Variants in XPO6 observed in about 807,000 individuals in gnomAD.
The protein encoded by XPO6 is exportin 6.
XPO6 carries 3 observed loss-of-function variants against 130.0 expected under a neutral mutation model. The observed-to-expected ratio is 0.02, with a 90% CI of 0.01 to 0.06. The LOEUF is 0.06. Among genes scored for constraint, XPO6 ranks in the 10% least tolerant of loss-of-function variants. The pLI, the probability that XPO6 is intolerant of heterozygous loss-of-function variation, is 1.00. For synonymous variants in XPO6, 524 were observed against 548.9 expected (o/e 0.95, Z 0.63); for missense variants, 970 against 1,393.0 (o/e 0.70, Z 4.83).
rs760566878 is a variant in XPO6 at position 28,101,650 on chromosome 16, G to A, written c.3084C>T (p.Asn1028=). Residue 1028 remains asparagine (N), a synonymous_variant, in exon 23 of 24, where the codon AAC becomes AAT. Coordinates refer to ENST00000304658, the MANE Select transcript of XPO6 (RefSeq NM_015171.4). The surrounding 1 kb of genome is among the most constrained non-coding windows in gnomAD (Gnocchi z 5.4). The stretch of plus-strand genomic sequence containing the variant: ...TGTGGACCAGGACCTGGAGCAGCAC[G>A]TTCACAAACTGGAACAGCATGGCAG... ...FRTAMLFQFV[N]VLLQVLVHKS... 2.2e-5 allele frequency: 35 copies of A among 1,612,552 alleles called. No individual in the cohort carries two copies. Among genetic ancestry groups the A allele is most frequent in the South Asian group, 4.4e-5 (4 of 91,082 alleles).
chr16:28,199,751 G>A (rs955658744), intron 1 of XPO6, among the ~76,000 whole-genome samples: 3 of 151,906 alleles, frequency 2.0e-5, no homozygotes, highest in South Asian at 2.1e-4. Flanking sequence ...CACTTATGTT[G>A]GCCAGGCTGG....
chr16:28,146,230 T>C, intron 8 of XPO6, 27 bp from the exon 9 acceptor site: 1 of 1,485,052 alleles, frequency 6.7e-7, no homozygotes, highest in South Asian at 1.1e-5. Flanking sequence ...ATCCAGACAA[T>C]GAAATTATTT....
At chr16:28,175,322 T>C (rs2141861151) in intron 4 of XPO6, among the ~76,000 whole-genome samples, 1 of 152,142 alleles carries the variant, frequency 6.6e-6, no homozygotes, top group Admixed American at 6.5e-5. Context: ...ACCATAAACA[T>C]GTAGCCATGT....
At chr16:28,133,021 T>G (rs1263593042) in intron 11 of XPO6, among the ~76,000 whole-genome samples, 1 of 152,154 alleles carries the variant, frequency 6.6e-6, no homozygotes, top group Non-Finnish European at 1.5e-5. Flanking sequence ...AACACAAGTA[T>G]AGCTGGGTCA....
At chr16:28,187,446 T>A (rs1401424047) in intron 1 of XPO6, among the ~76,000 whole-genome samples, 1 of 152,098 alleles carries the variant, frequency 6.6e-6, no homozygotes, top group Non-Finnish European at 1.5e-5. Flanking sequence ...CAAGTTTGAA[T>A]CCAAATGTGC....
In XPO6 at chr16:28,130,430, T is replaced by C. The variant is rs570702089; in HGVS notation, c.1606+1904A>G. Among the ~76,000 whole-genome samples, 11 of 152,250 alleles carry C rather than the reference T, an allele frequency of 7.2e-5. No homozygotes were observed. The South Asian group carries it at 2.3e-3, about 32-fold the overall frequency. The stretch of plus-strand genomic sequence containing the variant: ...ATGAGGCTGACTGACTGGTGTGGCA[T>C]GGAGGTTATTTGAGGGGGTAAATGG... On this transcript the variant is annotated intron_variant, in intron 12 of 23. Transcript: ENST00000304658.
intron 3 of XPO6, among the ~76,000 whole-genome samples, 175 bp from the exon 4 acceptor site, chr16:28,176,270 C>A (rs546318877): frequency 2.1e-4 from 32 of 152,278 alleles, no homozygotes; most frequent in Admixed American, 1.0e-3. Context: ...ACACAACAGT[C>A]CCATTCCTAG....
chr16:28,158,224 A>G (rs535115228), intron 6 of XPO6, among the ~76,000 whole-genome samples: 1 of 152,220 alleles, frequency 6.6e-6, no homozygotes, highest in Non-Finnish European at 1.5e-5. Flanking sequence ...CTACATTAAA[A>G]TGGCTGTTGA....
At chr16:28,193,952 T>C (rs1476692761) in intron 1 of XPO6, among the ~76,000 whole-genome samples, 4 of 152,150 alleles carry the variant, frequency 2.6e-5, no homozygotes, top group Non-Finnish European at 4.4e-5. Flanking sequence ...ACGCTTGTCC[T>C]GGGAAGGCCT....
intron 1 of XPO6, among the ~76,000 whole-genome samples, chr16:28,191,546 C>T (rs1007515225): frequency 6.6e-6 from 1 of 152,106 alleles, no homozygotes; most frequent in Non-Finnish European, 1.5e-5. Context: ...GTAAACAAAC[C>T]CCAGAGCACA....
At position 28,152,726 on chromosome 16, in the gene XPO6, A is replaced by G. The variant is rs1202554107; in HGVS notation, c.1157T>C (p.Ile386Thr). 6.2e-7 allele frequency: 1 copy of G among 1,613,838 alleles called. No individual in the cohort carries two copies. The highest frequency in any genetic ancestry group is 2.2e-5 in the East Asian group (1 of 44,860). ...CACAGGGAACTGGGAGTAAGACTCGATTCTTCTTAGGTGAACACTCACAAA... is the reference window on the plus strand; with the variant it reads ...CACAGGGAACTGGGAGTAAGACTCGGTTCTTCTTAGGTGAACACTCACAAA... ...RLFVSVHLRR[I>T]ESYSQFPVVE... The change falls in exon 8 of 24, where the codon ATC becomes ACC. Residue 386 changes from isoleucine to threonine, a missense_variant. Ile to Thr is a moderately conservative substitution (Grantham distance 89, BLOSUM62 -1). Around this residue, in one of 4 missense-constraint regions of XPO6, gnomAD observed 936 missense variants for 1,306.8 expected, o/e 0.72. Coordinates refer to ENST00000304658, the MANE Select transcript of XPO6 (RefSeq NM_015171.4).
intron 1 of XPO6, among the ~76,000 whole-genome samples, chr16:28,204,725 G>A (rs927257624): frequency 6.6e-6 from 1 of 152,162 alleles, no homozygotes; most frequent in Non-Finnish European, 1.5e-5. Context: ...TGCGACAGGA[G>A]GAAAACCAAG....
chr16:28,166,461 C>T (rs1596918078), intron 6 of XPO6, 47 bp downstream of exon 6: 1 of 1,547,076 alleles, frequency 6.5e-7, no homozygotes, highest in Non-Finnish European at 8.8e-7. Context: ...ACCTGGCCCC[C>T]AATACATTTA....
intron 4 of XPO6, among the ~76,000 whole-genome samples, chr16:28,172,543 G>GTT (rs1402380952): frequency 6.6e-6 from 1 of 152,074 alleles, no homozygotes; most frequent in African/African-American, 2.4e-5. Context: ...TGTGTGTGCT[G>GTT]ACGTATATGC....
chr16:28,192,560 T>C (rs1247736504), intron 1 of XPO6, among the ~76,000 whole-genome samples: 2 of 152,144 alleles, frequency 1.3e-5, no homozygotes. Context: ...GACAGGCTTC[T>C]CTTAAGGGTA....
chr16:28,149,610 G>A (rs1369782945), intron 8 of XPO6, among the ~76,000 whole-genome samples: 1 of 152,150 alleles, frequency 6.6e-6, no homozygotes. Flanking sequence ...GAATAGTAGA[G>A]TAGTACTCTA....
At chr16:28,151,293 G>A (rs773681991) in intron 8 of XPO6, among the ~76,000 whole-genome samples, 5 of 151,358 alleles carry the variant, frequency 3.3e-5, no homozygotes, top group African/African-American at 7.3e-5. Flanking sequence ...CCAAAAGCAC[G>A]TACAAGAATG....
chr16:28,184,691 T>G (rs1280925270), intron 1 of XPO6, among the ~76,000 whole-genome samples: 1 of 151,970 alleles, frequency 6.6e-6, no homozygotes, highest in East Asian at 1.9e-4. Context: ...TATAAATAAG[T>G]GTTCAGCCTC....
intron 12 of XPO6, among the ~76,000 whole-genome samples, chr16:28,126,997 C>G (rs1281703757): frequency 6.6e-6 from 1 of 152,156 alleles, no homozygotes; most frequent in Admixed American, 6.5e-5. Context: ...CACCACCAAC[C>G]CTCCTCCCGC....
Sources: allele counts gnomAD v4.1 joint callset (sites outside exome capture counted in the v4.1 genomes callset), GRCh38; gene constraint gnomAD v4.1.1; regional missense constraint gnomAD v4.1.1; non-coding constraint Gnocchi (gnomAD v3.1); transcripts MANE v1.5; gene names NCBI Gene and HGNC (gene_info 2026-07-23, HGNC 2026-07-21).